SV2C: variants seen among roughly 807,000 people sequenced by gnomAD.
The protein encoded by SV2C is solute carrier family 22 member B3.
A neutral mutation model predicts 79.7 loss-of-function variants in SV2C; 49 were observed. That is an observed-to-expected ratio of 0.61 (90% CI 0.49 to 0.78). The LOEUF is 0.78. SV2C is among the 30% of genes least tolerant of loss of function. The pLI, the probability that SV2C is intolerant of heterozygous loss-of-function variation, is 0.00. For missense variants in SV2C, 833 were observed against 912.9 expected (o/e 0.91, Z 1.13); for synonymous variants, 334 against 333.2 (o/e 1.00, Z -0.03).
the SV2C span, among the ~76,000 whole-genome samples, chr5:76,005,464 GT>G: frequency 6.6e-6 from 1 of 152,078 alleles, no homozygotes; most frequent in Non-Finnish European, 1.5e-5. Flanking sequence ...TTTTTAGTTG[GT>G]TTTCCCTGAA....
At chr5:76,245,940 G>GTA (rs1745935048) in intron 4 of SV2C, among the ~76,000 whole-genome samples, 1 of 150,564 alleles carries the variant, frequency 6.6e-6, no homozygotes, top group Admixed American at 6.6e-5. Flanking sequence ...GTGTGTATGT[G>GTA]TGTGTGTGTG....
intron 1 of SV2C, among the ~76,000 whole-genome samples, chr5:76,094,689 A>G (rs1747491043): frequency 6.6e-6 from 1 of 152,102 alleles, no homozygotes; most frequent in Non-Finnish European, 1.5e-5. Flanking sequence ...CAAGAAGTGA[A>G]TATATCTTTG....
At chr5:75,996,795 T>A in the SV2C span, among the ~76,000 whole-genome samples, 1 of 151,060 alleles carries the variant, frequency 6.6e-6, no homozygotes, top group Admixed American at 6.6e-5. Context: ...TGTCTGTTAT[T>A]GGTGTATAGG....
chr5:76,188,630 A>G (rs1339816097), intron 2 of SV2C, among the ~76,000 whole-genome samples: 1 of 152,236 alleles, frequency 6.6e-6, no homozygotes, highest in African/African-American at 2.4e-5. Flanking sequence ...TTAATAATGG[A>G]TTCACTTCTC....
the SV2C span, among the ~76,000 whole-genome samples, chr5:76,064,772 C>G: frequency 6.6e-6 from 1 of 152,120 alleles, no homozygotes; most frequent in East Asian, 1.9e-4. Context: ...AACCTTTCCT[C>G]TTTCAAATAT....
rs147909517 is a variant in SV2C, at chr5:76,243,120, C to T, written c.913+33233C>T. On this transcript the variant is annotated intron_variant, in intron 4 of 12. Coordinates refer to ENST00000502798, the MANE Select transcript of SV2C (RefSeq NM_014979.4). ...CATTACTAGGATAAAATGAGATGAG[C>T]CATGTAAAGAGGTTGGTGAGGGGCA... Among the ~76,000 whole-genome samples, 873 of 151,222 alleles carry T rather than the reference C, an allele frequency of 5.8e-3. 11 individuals carry two copies. Among genetic ancestry groups the T allele is most frequent in the African/African-American group, 0.02 (841 of 41,168 alleles).
rs6898717 is a variant in SV2C, at chr5:76,139,244, C to T, written c.580+6914C>T. Among the ~76,000 whole-genome samples, 3 of 151,916 alleles carry T rather than the reference C, an allele frequency of 2.0e-5. No homozygotes were observed. The East Asian group carries it at 5.8e-4, about 29-fold the overall frequency. Reference sequence around the variant, plus strand: ...AGTGCTCAGGGTTGAGGTGCCCTGACCTAAAGATTTAGCCTATCTATCTAG... The same window carrying T: ...AGTGCTCAGGGTTGAGGTGCCCTGATCTAAAGATTTAGCCTATCTATCTAG... On this transcript the variant is annotated intron_variant, in intron 2 of 12. Transcript: ENST00000502798.
At chr5:75,851,785 G>A in the SV2C span, among the ~76,000 whole-genome samples, 1 of 152,222 alleles carries the variant, frequency 6.6e-6, no homozygotes, top group African/African-American at 2.4e-5. Flanking sequence ...CAGCAGCTGG[G>A]ACTACAGGCG....
chr5:76,328,921 C>A lies in SV2C; in HGVS notation c.*3374C>A, dbSNP rs1315468566. The A allele has an allele frequency of 6.6e-6, 1 of 151,998 alleles. No homozygotes were observed. Among genetic ancestry groups the A allele is most frequent in the Admixed American group, 6.6e-5 (1 of 15,244 alleles). The allele number at this position is 151,998 out of a possible 1,614,324, so 9.4% of individuals were successfully genotyped here. The stretch of plus-strand genomic sequence containing the variant: ...CTGGGACCACACGCATGCGCCACCA[C>A]GCCCAGCTAATTTTTGTATCTTTTA... On this transcript the variant is annotated 3_prime_UTR_variant, in exon 13 of 13. Coordinates refer to ENST00000502798, the MANE Select transcript of SV2C (RefSeq NM_014979.4).
the SV2C span, among the ~76,000 whole-genome samples, chr5:76,029,745 A>G: frequency 6.6e-6 from 1 of 152,170 alleles, no homozygotes; most frequent in Admixed American, 6.6e-5. Flanking sequence ...AGATCCAAGA[A>G]TTTGCTTTAA....
chr5:75,880,047 G>A, the SV2C span, among the ~76,000 whole-genome samples: 12 of 152,356 alleles, frequency 7.9e-5, no homozygotes, highest in African/African-American at 2.9e-4. Context: ...TGGAGCTGAA[G>A]TAGCAAGGGT....
chr5:75,889,427 A>C, the SV2C span, among the ~76,000 whole-genome samples: 23 of 152,234 alleles, frequency 1.5e-4, no homozygotes, highest in African/African-American at 5.3e-4. Context: ...AAAGGACATG[A>C]ACTCATTCTT....
the SV2C span, among the ~76,000 whole-genome samples, chr5:76,036,583 T>C: frequency 6.6e-6 from 1 of 152,240 alleles, no homozygotes; most frequent in South Asian, 2.1e-4. Flanking sequence ...CCCACTCTCT[T>C]CTGGCATGTA....
At chr5:76,105,739 C>T (rs1304464743) in intron 1 of SV2C, among the ~76,000 whole-genome samples, 7 of 152,036 alleles carry the variant, frequency 4.6e-5, no homozygotes, top group Non-Finnish European at 1.0e-4. Context: ...ATATACACAC[C>T]CTCCCTGATA....
intron 3 of SV2C, among the ~76,000 whole-genome samples, chr5:76,199,684 C>A (rs1416042544): frequency 6.6e-6 from 1 of 152,218 alleles, no homozygotes; most frequent in Non-Finnish European, 1.5e-5. Flanking sequence ...AAGCAGCAAC[C>A]AGCATAGTCT....
At chr5:75,920,226 A>G in the SV2C span, among the ~76,000 whole-genome samples, 1 of 152,198 alleles carries the variant, frequency 6.6e-6, no homozygotes, top group Non-Finnish European at 1.5e-5. Flanking sequence ...GCTGAGAACA[A>G]GGATGTGGTA....
the SV2C span, chr5:75,910,659 C>G: frequency 2.8e-6 from 3 of 1,066,468 alleles, no homozygotes; most frequent in South Asian, 3.7e-5. Context: ...GTGCAGAATG[C>G]CAAGAAGAAA....
the SV2C span, chr5:75,910,548 T>C: frequency 1.5e-6 from 1 of 656,574 alleles, no homozygotes. Flanking sequence ...TGTTCACCTT[T>C]GGTTTACTAC....
At chr5:75,973,813 G>A in the SV2C span, among the ~76,000 whole-genome samples, 1 of 151,938 alleles carries the variant, frequency 6.6e-6, no homozygotes, top group East Asian at 1.9e-4. Flanking sequence ...GTATACAGCA[G>A]GATCTCTCAA....
Sources: gnomAD v4.1 joint callset for allele counts (sites outside exome capture counted in the v4.1 genomes callset) on GRCh38, gnomAD v4.1.1 for gene constraint, MANE v1.5 for transcripts, NCBI Gene and HGNC (gene_info 2026-07-23, HGNC 2026-07-21) for gene names.